The following FZD3 variants were observed in gnomAD, a reference collection of about 807,000 sequenced individuals.
FZD3 encodes frizzled-3.
Under a neutral mutation model 60.7 loss-of-function variants are expected in FZD3, and 30 were observed. The observed-to-expected ratio is 0.49, with a 90% CI of 0.37 to 0.67. The LOEUF (loss-of-function observed/expected upper bound fraction) is 0.67, where lower values mean the gene tolerates loss of function less well. FZD3 is among the 30% of genes least tolerant of loss of function. The pLI, the probability that FZD3 is intolerant of heterozygous loss-of-function variation, is 0.00. For missense variants in FZD3, 605 were observed against 838.7 expected (o/e 0.72, Z 3.44); for synonymous variants, 246 against 275.2 (o/e 0.89, Z 1.05).
intron 5 of FZD3, among the ~76,000 whole-genome samples, chr8:28,544,622 TTATGCACG>T (rs1805252639): frequency 6.6e-6 from 1 of 152,194 alleles, no homozygotes; most frequent in Non-Finnish European, 1.5e-5. Flanking sequence ...TCAATTTTGA[TTATGCACG>T]TATAGTCTTT....
intron 5 of FZD3, among the ~76,000 whole-genome samples, chr8:28,547,872 A>G (rs1297799721): frequency 7.1e-6 from 1 of 140,454 alleles, no homozygotes; most frequent in Non-Finnish European, 1.5e-5. Flanking sequence ...TTTTTTTTTG[A>G]GACGGAGCCT....
At chr8:28,559,595 C>T (rs1372145524) in intron 7 of FZD3, among the ~76,000 whole-genome samples, 1 of 152,172 alleles carries the variant, frequency 6.6e-6, no homozygotes, top group Non-Finnish European at 1.5e-5. Context: ...TGGCACCCTA[C>T]TGAAGGTGTT....
At chr8:28,562,660 A>G (rs1440437547) in intron 7 of FZD3, 138 bp from the exon 8 acceptor site, 1 of 632,814 alleles carries the variant, frequency 1.6e-6, no homozygotes, top group Admixed American at 2.5e-5. Flanking sequence ...AAGTTAAGCA[A>G]TCAAAAGTTG....
intron 7 of FZD3, among the ~76,000 whole-genome samples, chr8:28,561,298 C>T (rs1805608237): frequency 6.6e-6 from 1 of 152,136 alleles, no homozygotes; most frequent in Non-Finnish European, 1.5e-5. Context: ...CTCAAGTGAT[C>T]TGCCCATCTC....
At chr8:28,495,559 G>A (rs1402791985) in intron 1 of FZD3, among the ~76,000 whole-genome samples, 1 of 152,172 alleles carries the variant, frequency 6.6e-6, no homozygotes, top group African/African-American at 2.4e-5. Flanking sequence ...TTTAGTCCTT[G>A]GTGGTGTGCT....
At position 28,503,161 on chromosome 8, in the gene FZD3, C is replaced by T. The variant is rs771902243; in HGVS notation, c.148C>T (p.Leu50=). The T allele has an allele frequency of 3.3e-5, 54 of 1,613,330 alleles. No individual in the cohort carries two copies. Among genetic ancestry groups the T allele is most frequent in the Non-Finnish European group, 4.1e-5 (48 of 1,179,432 alleles). The change falls in exon 3 of 8, where the codon CTG becomes TTG. Residue 50 remains leucine, a synonymous_variant. Transcript: ENST00000240093. ...PYNTTFMPNL[L]NHYDQQTAAL... ...TAATACTACCTTCATGCCTAATCTTCTGAATCATTATGACCAACAGACAGC... is the reference window on the plus strand; with the variant it reads ...TAATACTACCTTCATGCCTAATCTTTTGAATCATTATGACCAACAGACAGC...
chr8:28,562,745 T>C (rs891066919), intron 7 of FZD3, 53 bp from the exon 8 acceptor site: 10 of 1,033,424 alleles, frequency 9.7e-6, no homozygotes, highest in Admixed American at 2.0e-5. Flanking sequence ...ATTAGTGTTA[T>C]TATATTTTCT....
At position 28,568,820 on chromosome 8, in the gene FZD3, C is replaced by T. The variant is rs1310946370; in HGVS notation, c.*5809C>T. ...TTGAAGGATAATTTCCTTCAGATTA[C>T]TTTTTAAATCATCATCTGCCTCAGG... On this transcript the variant is annotated 3_prime_UTR_variant, in exon 8 of 8. Transcript: ENST00000240093. 6.6e-6 allele frequency: 1 copy of T among 152,066 alleles called. No individual in the cohort carries two copies. Among genetic ancestry groups the T allele is most frequent in the Admixed American group, 6.5e-5 (1 of 15,272 alleles). The allele number at this position is 152,066 out of a possible 1,614,324, so 9.4% of individuals were successfully genotyped here. A position where few individuals can be genotyped will look rare whatever the true frequency, so the allele number is the denominator to read the frequency against.
chr8:28,507,293 CAT>C (rs768302622), intron 3 of FZD3, among the ~76,000 whole-genome samples: 4 of 151,944 alleles, frequency 2.6e-5, no homozygotes, highest in Non-Finnish European at 5.9e-5. Flanking sequence ...TAGAGTTTCC[CAT>C]AGTCTTTATT....
chr8:28,524,854 C>T (rs557991121), intron 4 of FZD3, among the ~76,000 whole-genome samples: 4 of 152,310 alleles, frequency 2.6e-5, no homozygotes, highest in Admixed American at 2.0e-4. Flanking sequence ...TTTGTCTCCA[C>T]GACCTCAATT....
chr8:28,528,495 G>T (rs1804778664), intron 5 of FZD3, among the ~76,000 whole-genome samples: 1 of 151,992 alleles, frequency 6.6e-6, no homozygotes, highest in Non-Finnish European at 1.5e-5. Context: ...CTTTTTATGG[G>T]AATTTTACTG....
intron 5 of FZD3, among the ~76,000 whole-genome samples, chr8:28,537,487 G>A (rs1030367298): frequency 2.0e-5 from 3 of 151,886 alleles, no homozygotes; most frequent in African/African-American, 7.2e-5. Flanking sequence ...GACATTGCTG[G>A]CCATTAGTTT....
intron 6 of FZD3, among the ~76,000 whole-genome samples, chr8:28,552,957 A>G (rs1805440462): frequency 6.6e-6 from 1 of 152,228 alleles, no homozygotes. Flanking sequence ...GTGATGTATT[A>G]GGTACTGTAA....
chr8:28,557,347 A>G (rs1805530347), intron 7 of FZD3, among the ~76,000 whole-genome samples: 2 of 152,144 alleles, frequency 1.3e-5, no homozygotes, highest in Admixed American at 1.3e-4. Flanking sequence ...AAAGAATGAA[A>G]ATTATAATAC....
chr8:28,557,927 A>G (rs189640508), intron 7 of FZD3, among the ~76,000 whole-genome samples: 1 of 152,372 alleles, frequency 6.6e-6, no homozygotes, highest in East Asian at 1.9e-4. Context: ...CTCAGAGAAG[A>G]AAACCATTTA....
Position 28,568,361 on chromosome 8 carries a change from CCTT to C in FZD3, c.*5354_*5356del, listed in dbSNP as rs1563411621. 1 of 152,088 alleles carries C rather than the reference CCTT, an allele frequency of 6.6e-6. No homozygotes were observed. Among genetic ancestry groups the C allele is most frequent in the Non-Finnish European group, 1.5e-5 (1 of 67,980 alleles). 9.4% of individuals were successfully genotyped at this position (152,088 alleles called of 1,614,324 possible). On this transcript the variant is annotated 3_prime_UTR_variant, in exon 8 of 8. Coordinates refer to ENST00000240093, the MANE Select transcript of FZD3 (RefSeq NM_017412.4). ...TCTTCATAATTTAATTCTCTTCTCT[CCTT>C]CTTTTGTTCCGATTAGATGAATTTG...
chr8:28,520,118 G>C (rs1050366105), intron 3 of FZD3, among the ~76,000 whole-genome samples: 1 of 151,044 alleles, frequency 6.6e-6, no homozygotes, highest in African/African-American at 2.4e-5. Flanking sequence ...GCTGAGGCAG[G>C]AGAATTGCTT....
At chr8:28,531,170 A>G (rs1003670779) in intron 5 of FZD3, among the ~76,000 whole-genome samples, 1 of 151,394 alleles carries the variant, frequency 6.6e-6, no homozygotes, top group African/African-American at 2.4e-5. Flanking sequence ...CTTCTCATAA[A>G]TACGGTATTT....
chr8:28,542,262 TA>T (rs1805187474), intron 5 of FZD3, among the ~76,000 whole-genome samples: 1 of 152,168 alleles, frequency 6.6e-6, no homozygotes. Context: ...CTGTCAGGAT[TA>T]TTGTTATTGC....
Sources: allele counts gnomAD v4.1 joint callset (sites outside exome capture counted in the v4.1 genomes callset), GRCh38; gene constraint gnomAD v4.1.1; transcripts MANE v1.5; gene names NCBI Gene and HGNC (gene_info 2026-07-23, HGNC 2026-07-21).